KIF5C: variants seen among roughly 807,000 people sequenced by gnomAD.
KIF5C encodes kinesin heavy chain isoform 5C.
A neutral mutation model predicts 125.2 loss-of-function variants in KIF5C; 18 were observed. That is an observed-to-expected ratio of 0.14 (90% CI 0.10 to 0.21). The LOEUF (loss-of-function observed/expected upper bound fraction) is 0.21. Ranked by LOEUF, KIF5C falls within the 10% of genes least tolerant of loss-of-function variation. The pLI, the probability that KIF5C is intolerant of heterozygous loss-of-function variation, is 1.00. For missense variants in KIF5C, 780 were observed against 1,183.8 expected (o/e 0.66, Z 5.01); for synonymous variants, 405 against 434.0 (o/e 0.93, Z 0.83).
chr2:148,892,556 A>G (rs1558874972), intron 1 of KIF5C, among the ~76,000 whole-genome samples: 2 of 152,200 alleles, frequency 1.3e-5, no homozygotes. Context: ...TGAAGTCCCA[A>G]TTGGCTTCTC....
chr2:148,950,024 C>A, intron 9 of KIF5C, 81 bp downstream of exon 9: 2 of 1,498,110 alleles, frequency 1.3e-6, no homozygotes, highest in Non-Finnish European at 1.8e-6. Context: ...TGCCACACAC[C>A]CCAAAGGCTG....
intron 1 of KIF5C, chr2:148,883,762 T>A (rs1254349485): frequency 1.3e-5 from 2 of 152,210 alleles, no homozygotes; most frequent in Non-Finnish European, 2.9e-5. Context: ...ATACTTTATT[T>A]CCTACTGATG....
intron 1 of KIF5C, chr2:148,883,702 C>T (rs1395977229): frequency 6.6e-6 from 1 of 152,152 alleles, no homozygotes; most frequent in South Asian, 2.1e-4. Context: ...ATGTACTATA[C>T]TTTTTCAGCA....
chr2:148,926,087 C>G lies in KIF5C; in HGVS notation c.218-3194C>G, dbSNP rs372338667. 2.3e-4 allele frequency among the ~76,000 whole-genome samples: 35 copies of G among 152,344 alleles called. No homozygotes were observed. In the East Asian group the frequency reaches 6.6e-3, roughly 29 times the overall value. Reference sequence around the variant, plus strand: ...AGAGTCGGTAGGAAGCCCCATGCCTCCGTAGGACTACTGATGGGTAGGTAT... The same window carrying G: ...AGAGTCGGTAGGAAGCCCCATGCCTGCGTAGGACTACTGATGGGTAGGTAT... On this transcript the variant is annotated intron_variant, in intron 2 of 25. Coordinates refer to ENST00000435030, the MANE Select transcript of KIF5C (RefSeq NM_004522.3).
intron 25 of KIF5C, among the ~76,000 whole-genome samples, chr2:149,015,871 T>C (rs1407463921): frequency 7.2e-5 from 11 of 152,208 alleles, no homozygotes; most frequent in Admixed American, 7.2e-4. Flanking sequence ...AAGAAGGCTG[T>C]GTTCTTGTCC....
chr2:149,002,758 C>T (rs1681892134), intron 21 of KIF5C, among the ~76,000 whole-genome samples: 2 of 152,218 alleles, frequency 1.3e-5, no homozygotes, highest in East Asian at 3.9e-4. Flanking sequence ...TTCACTGTCA[C>T]AACCACCTCC....
chr2:149,007,997 G>C lies in KIF5C; in HGVS notation c.2480G>C (p.Ser827Thr). 1 of 1,611,290 alleles carries C rather than the reference G, an allele frequency of 6.2e-7. No homozygotes were observed. Among genetic ancestry groups the C allele is most frequent in the Non-Finnish European group, 8.5e-7 (1 of 1,178,008 alleles). ...VELDNDDGGG[S>T]AAQKQKISFL... ...TTGGACAACGATGATGGAGGGGGCA[G>C]TGCTGCCCAGAAGCAGAAAATTTCC... Residue 827 changes from serine to threonine, a missense_variant, in exon 23 of 26, where the codon AGT becomes ACT. Transcript: ENST00000435030.
intron 1 of KIF5C, among the ~76,000 whole-genome samples, chr2:148,882,942 G>C (rs1344230152): frequency 6.6e-6 from 1 of 152,212 alleles, no homozygotes; most frequent in African/African-American, 2.4e-5. Flanking sequence ...CTAGAACAGA[G>C]TAGTTGCTCA....
rs994565323 is a variant in KIF5C, at chr2:148,956,835, G to A, written c.969-5136G>A. 7.2e-5 allele frequency among the ~76,000 whole-genome samples: 11 copies of A among 152,182 alleles called. No homozygotes were observed. In the South Asian group the frequency reaches 1.2e-3, roughly 17 times the overall value. On this transcript the variant is annotated intron_variant, in intron 10 of 25. Coordinates refer to ENST00000435030, the MANE Select transcript of KIF5C (RefSeq NM_004522.3). Reference sequence around the variant, plus strand: ...AGGGCTCTGATTGAAAACCCTGAGAGTTTTTAGAAATGAAGAACCCACTTT... The same window carrying A: ...AGGGCTCTGATTGAAAACCCTGAGAATTTTTAGAAATGAAGAACCCACTTT...
chr2:148,916,328 A>G lies in KIF5C; in HGVS notation c.127-5809A>G, dbSNP rs192430635. On this transcript the variant is annotated intron_variant, in intron 1 of 25. Coordinates refer to ENST00000435030, the MANE Select transcript of KIF5C (RefSeq NM_004522.3). ...CTTTTGTGAATAGACTTTATGAATG[A>G]ACATTGAAATTTTGTTTATTTTTAA... 2.1e-3 allele frequency among the ~76,000 whole-genome samples: 321 copies of G among 152,348 alleles called. 2 individuals are homozygous for G. Among genetic ancestry groups the G allele is most frequent in the African/African-American group, 7.5e-3 (312 of 41,580 alleles).
At chr2:148,948,761 A>G (rs1682586191) in intron 8 of KIF5C, among the ~76,000 whole-genome samples, 1 of 152,182 alleles carries the variant, frequency 6.6e-6, no homozygotes. Context: ...AGGGTGATAG[A>G]TGGTACCTGC....
intron 10 of KIF5C, among the ~76,000 whole-genome samples, chr2:148,951,242 G>C (rs545426722): frequency 4.6e-5 from 7 of 152,268 alleles, no homozygotes; most frequent in Middle Eastern, 3.4e-3. Flanking sequence ...GAAGGGGAAG[G>C]AATCTTTACC....
chr2:148,898,017 AG>A (rs1680736328), intron 1 of KIF5C, among the ~76,000 whole-genome samples: 1 of 135,038 alleles, frequency 7.4e-6, no homozygotes, highest in African/African-American at 2.8e-5. Flanking sequence ...TCAGGGTTTG[AG>A]GGAGTGGAGA....
intron 1 of KIF5C, among the ~76,000 whole-genome samples, chr2:148,881,826 A>G (rs1214437832): frequency 6.9e-6 from 1 of 145,624 alleles, no homozygotes; most frequent in African/African-American, 2.8e-5. Flanking sequence ...CTATTTGTTT[A>G]TGGGGTGATG....
intron 10 of KIF5C, among the ~76,000 whole-genome samples, chr2:148,953,607 C>T (rs1682720322): frequency 6.6e-6 from 1 of 152,136 alleles, no homozygotes; most frequent in South Asian, 2.1e-4. Flanking sequence ...AATGAGTGTT[C>T]ATTATATTCT....
chr2:148,886,436 GGT>G (rs1681529009), intron 1 of KIF5C: 1 of 152,398 alleles, frequency 6.6e-6, no homozygotes, highest in Admixed American at 6.5e-5. Context: ...TGGGTGGGAA[GGT>G]AAGGAAATGG....
At chr2:148,999,481 C>T (rs1681784870) in intron 19 of KIF5C, among the ~76,000 whole-genome samples, 2 of 152,168 alleles carry the variant, frequency 1.3e-5, no homozygotes, top group Admixed American at 1.3e-4. Context: ...AATGGTAACC[C>T]AAGCAAAAGT....
At chr2:148,898,579 C>T (rs1680756605) in intron 1 of KIF5C, among the ~76,000 whole-genome samples, 1 of 152,124 alleles carries the variant, frequency 6.6e-6, no homozygotes, top group East Asian at 1.9e-4. Flanking sequence ...AACTGATGGC[C>T]TCATGAGACT....
chr2:148,991,187 C>T lies in KIF5C; in HGVS notation c.1894C>T (p.Leu632Phe). 1 of 1,613,554 alleles carries T rather than the reference C, an allele frequency of 6.2e-7. No homozygotes were observed. Among genetic ancestry groups the T allele is most frequent in the Non-Finnish European group, 8.5e-7 (1 of 1,179,726 alleles). ...SERELAACQLLISQHEAKIKS... is the reference protein window; with the variant it reads ...SERELAACQLFISQHEAKIKS... ...GCGGGAGCTGGCAGCCTGCCAGCTG[C>T]TCATCTCCCAGGTGGGCCCTTCCCT... Residue 632 changes from leucine (L) to phenylalanine (F), a missense_variant, in exon 16 of 26, where the codon CTC becomes TTC. This residue lies in a region of KIF5C where 573 missense variants were observed against 742.6 expected (regional missense o/e 0.77). Coordinates refer to ENST00000435030, the MANE Select transcript of KIF5C (RefSeq NM_004522.3).
Sources: allele counts gnomAD v4.1 joint callset (sites outside exome capture counted in the v4.1 genomes callset), GRCh38; gene constraint gnomAD v4.1.1; regional missense constraint gnomAD v4.1.1; transcripts MANE v1.5; gene names NCBI Gene and HGNC (gene_info 2026-07-23, HGNC 2026-07-21).